Variants in DLGAP2 observed in about 807,000 individuals in gnomAD.
DLGAP2 encodes disks large-associated protein 2.
In DLGAP2, 26 loss-of-function variants were observed where a neutral mutation model predicts 100.3. The ratio of observed to expected loss-of-function variants is 0.26; its 90% CI spans 0.19 to 0.36. The LOEUF is 0.36. Ranked by LOEUF, DLGAP2 falls within the 10% of genes least tolerant of loss-of-function variation. DLGAP2 has a pLI of 1.00. For missense variants in DLGAP2, 1,858 were observed against 1,453.2 expected (o/e 1.28, Z -4.53); for synonymous variants, 886 against 630.1 (o/e 1.41, Z -6.08).
intron 2 of DLGAP2, among the ~76,000 whole-genome samples, chr8:1,149,289 G>T (rs1314951162): frequency 6.6e-6 from 1 of 152,096 alleles, no homozygotes; most frequent in Non-Finnish European, 1.5e-5. Flanking sequence ...GGGACTACAG[G>T]CACCCGCCAC....
chr8:1,093,947 G>A (rs753972611), intron 2 of DLGAP2, among the ~76,000 whole-genome samples: 2 of 152,222 alleles, frequency 1.3e-5, no homozygotes, highest in Non-Finnish European at 2.9e-5. Flanking sequence ...CTGTGTGCAG[G>A]TGCTTGTGGA....
intron 1 of DLGAP2, among the ~76,000 whole-genome samples, chr8:900,335 G>T (rs139027369): frequency 2.0e-5 from 3 of 150,770 alleles, no homozygotes; most frequent in African/African-American, 7.3e-5. Flanking sequence ...TGTCGCTCCC[G>T]GGTGGACGGT....
At chr8:969,103 A>G (rs542410004) in intron 2 of DLGAP2, among the ~76,000 whole-genome samples, 15 of 152,226 alleles carry the variant, frequency 9.9e-5, no homozygotes, top group South Asian at 6.2e-4. Flanking sequence ...GAGTCTCATG[A>G]TAATTTTTTG....
rs1326731214 is a variant in DLGAP2 at position 1,702,543 on chromosome 8, C to T, written c.*1137C>T. Reference sequence around the variant, plus strand: ...TTGTCCTATGCAGTATTGCTAAAGTCGAGAATATATTCCTTGCCTGTGTTA... The same window carrying T: ...TTGTCCTATGCAGTATTGCTAAAGTTGAGAATATATTCCTTGCCTGTGTTA... On this transcript the variant is annotated 3_prime_UTR_variant, in exon 15 of 15. Coordinates refer to ENST00000637795, the MANE Select transcript of DLGAP2 (RefSeq NM_001346810.2). 2 of 152,240 alleles carry T rather than the reference C, an allele frequency of 1.3e-5. No homozygotes were observed. The highest frequency in any genetic ancestry group is 4.8e-5 in the African/African-American group (2 of 41,302). The allele number at this position is 152,240 out of a possible 1,614,324, so 9.4% of individuals were successfully genotyped here.
At chr8:1,686,400 G>C (rs575476943) in intron 12 of DLGAP2, among the ~76,000 whole-genome samples, 72 of 152,304 alleles carry the variant, frequency 4.7e-4, no homozygotes, top group African/African-American at 1.6e-3. Flanking sequence ...GGGCGCAGTG[G>C]CTCATGCCTG....
chr8:1,172,307 C>G (rs1451978903), intron 2 of DLGAP2, among the ~76,000 whole-genome samples: 3 of 152,052 alleles, frequency 2.0e-5, no homozygotes, highest in African/African-American at 4.8e-5. Context: ...CTCTCTGGCT[C>G]TCCTTAACAT....
chr8:1,663,594 T>G (rs1165782467), intron 8 of DLGAP2, among the ~76,000 whole-genome samples: 1 of 152,188 alleles, frequency 6.6e-6, no homozygotes, highest in Non-Finnish European at 1.5e-5. Context: ...CCACAGATTT[T>G]GCAGGAAAGG....
chr8:1,271,146 A>G (rs986840809), intron 3 of DLGAP2, among the ~76,000 whole-genome samples: 4 of 152,218 alleles, frequency 2.6e-5, no homozygotes, highest in African/African-American at 7.2e-5. Flanking sequence ...TAATTAAATC[A>G]TAAACCCACA....
At chr8:1,002,578 A>G (rs1484007223) in intron 2 of DLGAP2, 1 of 152,220 alleles carries the variant, frequency 6.6e-6, no homozygotes. Context: ...GGAGGTGTCA[A>G]GGCTGTGGTC....
chr8:1,540,010 C>T (rs1419838062), intron 4 of DLGAP2, among the ~76,000 whole-genome samples: 2 of 152,190 alleles, frequency 1.3e-5, no homozygotes, highest in Non-Finnish European at 1.5e-5. Flanking sequence ...TTATTGCCAG[C>T]CCCACCCTTC....
chr8:1,139,137 G>A (rs550502615), intron 2 of DLGAP2, among the ~76,000 whole-genome samples: 13 of 152,186 alleles, frequency 8.5e-5, no homozygotes, highest in Non-Finnish European at 1.8e-4. Flanking sequence ...CGGCCGCTGC[G>A]GCCTGGCTGG....
At chr8:832,559 C>G (rs941826732) in intron 1 of DLGAP2, among the ~76,000 whole-genome samples, 1 of 152,178 alleles carries the variant, frequency 6.6e-6, no homozygotes, top group African/African-American at 2.4e-5. Context: ...AGAAGTGATA[C>G]TATTAAAGTT....
At chr8:1,595,848 C>T (rs1796440996) in intron 6 of DLGAP2, among the ~76,000 whole-genome samples, 1 of 151,130 alleles carries the variant, frequency 6.6e-6, no homozygotes, top group Admixed American at 6.6e-5. Flanking sequence ...GTATTTTATT[C>T]TTTTTTTAAT....
intron 2 of DLGAP2, among the ~76,000 whole-genome samples, chr8:1,202,802 G>T (rs552995101): frequency 1.3e-5 from 2 of 152,196 alleles, no homozygotes; most frequent in East Asian, 3.9e-4. Context: ...AATCACCCAA[G>T]CCACTGAACA....
chr8:1,544,219 G>T (rs1344970794), intron 4 of DLGAP2, among the ~76,000 whole-genome samples: 4 of 152,068 alleles, frequency 2.6e-5, no homozygotes, highest in Admixed American at 6.6e-5. Flanking sequence ...TACCTCCTTG[G>T]TTAGGCGGTC....
At chr8:1,567,459 G>A (rs899874799) in intron 6 of DLGAP2, among the ~76,000 whole-genome samples, 1 of 152,274 alleles carries the variant, frequency 6.6e-6, no homozygotes, top group African/African-American at 2.4e-5. Flanking sequence ...CTATATGTTT[G>A]AAAGCAAAAC....
At chr8:1,148,021 T>C (rs1320075877) in intron 2 of DLGAP2, among the ~76,000 whole-genome samples, 2 of 152,252 alleles carry the variant, frequency 1.3e-5, no homozygotes, top group African/African-American at 2.4e-5. Context: ...TTCTCTACTG[T>C]GAAGAATTTG....
chr8:1,127,866 TAA>T (rs1563205772), intron 2 of DLGAP2, among the ~76,000 whole-genome samples: 1 of 152,228 alleles, frequency 6.6e-6, no homozygotes, highest in East Asian at 1.9e-4. Flanking sequence ...AGGCTTGGTA[TAA>T]AGAGTCTGAA....
rs78074161 is a variant in DLGAP2 at position 1,243,508 on chromosome 8, C to G, written c.74-15343C>G. On this transcript the variant is annotated intron_variant, in intron 2 of 14. Transcript: ENST00000637795. ...ACTTGGCCATTGCATTATTTATGTTCTGTTGTCATTTCATGTTATTCTCGT... is the reference window on the plus strand; with the variant it reads ...ACTTGGCCATTGCATTATTTATGTTGTGTTGTCATTTCATGTTATTCTCGT... 3.1e-3 allele frequency among the ~76,000 whole-genome samples: 479 copies of G among 152,300 alleles called. 2 individuals carry two copies. The highest frequency in any genetic ancestry group is 0.011 in the African/African-American group (437 of 41,562).
Sources: allele counts gnomAD v4.1 joint callset (sites outside exome capture counted in the v4.1 genomes callset), GRCh38; gene constraint gnomAD v4.1.1; transcripts MANE v1.5; gene names NCBI Gene and HGNC (gene_info 2026-07-23, HGNC 2026-07-21).